The following PLPP1 variants were observed in gnomAD, a reference collection of about 807,000 sequenced individuals.
PLPP1 encodes lipid phosphate phosphohydrolase 1a.
In PLPP1, 24 loss-of-function variants were observed where a neutral mutation model predicts 31.2. The observed-to-expected ratio is 0.77, with a 90% CI of 0.56 to 1.08. PLPP1 has a LOEUF of 1.08. Ranked by LOEUF, PLPP1 falls within the 50% of genes least tolerant of loss-of-function variation. The pLI is 0.00. For synonymous variants in PLPP1, 146 were observed against 126.3 expected, an observed-to-expected ratio of 1.16 and a Z score of -1.05; for missense variants, 319 against 342.7, an observed-to-expected ratio of 0.93 and a Z score of 0.55.
intron 3 of PLPP1, among the ~76,000 whole-genome samples, chr5:55,461,524 TAACA>T (rs1427516362): frequency 6.6e-6 from 1 of 151,830 alleles, no homozygotes; most frequent in African/African-American, 2.4e-5. Flanking sequence ...ATAGCCATCT[TAACA>T]AACACAGAAA....
At chr5:55,434,189 A>T (rs191707639) in intron 4 of PLPP1, among the ~76,000 whole-genome samples, 53 of 152,028 alleles carry the variant, frequency 3.5e-4, no homozygotes, top group Non-Finnish European at 6.2e-4. Context: ...AAAGAAGAAG[A>T]AGAAAAAAAG....
chr5:55,458,902 A>C (rs1359644602), intron 3 of PLPP1, among the ~76,000 whole-genome samples: 2 of 148,900 alleles, frequency 1.3e-5, no homozygotes, highest in East Asian at 3.9e-4. Flanking sequence ...AAAAAAAAAA[A>C]AAAAAAAAAA....
chr5:55,446,448 A>G (rs1751766734), intron 3 of PLPP1, among the ~76,000 whole-genome samples: 1 of 151,958 alleles, frequency 6.6e-6, no homozygotes, highest in East Asian at 1.9e-4. Context: ...ATCCCACATC[A>G]TATTTTCTAT....
chr5:55,457,130 A>G (rs1752031335), intron 3 of PLPP1, among the ~76,000 whole-genome samples: 1 of 151,584 alleles, frequency 6.6e-6, no homozygotes, highest in Non-Finnish European at 1.5e-5. Context: ...ACTGCACTCC[A>G]GGCTGGGCGA....
chr5:55,530,521 C>G (rs1235093847), intron 1 of PLPP1: 6 of 1,203,548 alleles, frequency 5.0e-6, no homozygotes, highest in African/African-American at 1.5e-5. Context: ...ACTGAATCTT[C>G]AGAGATCTGA....
At chr5:55,478,384 A>C (rs1752602412) in intron 1 of PLPP1, among the ~76,000 whole-genome samples, 2 of 152,350 alleles carry the variant, frequency 1.3e-5, no homozygotes, top group South Asian at 4.1e-4. Flanking sequence ...GGCACAGTAC[A>C]TAATTATAGC....
At chr5:55,520,694 T>G (rs1156624386) in intron 1 of PLPP1, among the ~76,000 whole-genome samples, 2 of 152,358 alleles carry the variant, frequency 1.3e-5, no homozygotes, top group East Asian at 1.9e-4. Context: ...TCAAGTTTAT[T>G]GCCCAGTCAT....
chr5:55,533,731 C>T (rs1201012999), intron 1 of PLPP1, among the ~76,000 whole-genome samples: 1 of 152,216 alleles, frequency 6.6e-6, no homozygotes, highest in African/African-American at 2.4e-5. Flanking sequence ...TAGTTCACAG[C>T]ATAACTGCCT....
chr5:55,433,963 C>T (rs1269295226), intron 4 of PLPP1, among the ~76,000 whole-genome samples: 2 of 151,554 alleles, frequency 1.3e-5, no homozygotes, highest in Non-Finnish European at 1.5e-5. Context: ...ATGGTGAAAC[C>T]CTGTCTTTAC....
chr5:55,494,642 G>A (rs1752966726), intron 1 of PLPP1, among the ~76,000 whole-genome samples: 1 of 152,158 alleles, frequency 6.6e-6, no homozygotes, highest in Non-Finnish European at 1.5e-5. Flanking sequence ...TTCTACTGCG[G>A]ATAGTTGCTC....
At chr5:55,498,782 T>C (rs983982825) in intron 1 of PLPP1, among the ~76,000 whole-genome samples, 2 of 152,024 alleles carry the variant, frequency 1.3e-5, no homozygotes, top group African/African-American at 4.8e-5. Context: ...TAGCAACTCT[T>C]TCTCACGCTG....
intron 3 of PLPP1, among the ~76,000 whole-genome samples, chr5:55,442,609 A>G (rs573395694): frequency 4.0e-5 from 6 of 150,660 alleles, no homozygotes; most frequent in East Asian, 3.9e-4. Flanking sequence ...CCGAGATCGC[A>G]CCACTGCACT....
At chr5:55,452,246 A>G (rs1751910023) in intron 3 of PLPP1, among the ~76,000 whole-genome samples, 1 of 152,116 alleles carries the variant, frequency 6.6e-6, no homozygotes, top group Non-Finnish European at 1.5e-5. Context: ...TCCCTCATGA[A>G]TGGTTTAGTG....
intron 1 of PLPP1, among the ~76,000 whole-genome samples, chr5:55,515,457 T>C (rs1753536345): frequency 6.6e-6 from 1 of 152,218 alleles, no homozygotes; most frequent in Non-Finnish European, 1.5e-5. Context: ...AATATTTGAG[T>C]GTCTTCTCCC....
At chr5:55,486,577 C>G (rs577176674) in intron 1 of PLPP1, among the ~76,000 whole-genome samples, 1 of 151,884 alleles carries the variant, frequency 6.6e-6, no homozygotes, top group Non-Finnish European at 1.5e-5. Context: ...CAGAGCCAGA[C>G]TCCATCTCAA....
intron 3 of PLPP1, among the ~76,000 whole-genome samples, chr5:55,450,704 A>C (rs567792981): frequency 1.3e-5 from 2 of 152,304 alleles, no homozygotes; most frequent in African/African-American, 4.8e-5. Flanking sequence ...AAATACTCCA[A>C]ATCACCAAAG....
chr5:55,444,675 A>G (rs1316971343), intron 3 of PLPP1, among the ~76,000 whole-genome samples: 1 of 151,950 alleles, frequency 6.6e-6, no homozygotes, highest in Non-Finnish European at 1.5e-5. Flanking sequence ...CTACTGAACA[A>G]TAAGCCAGCT....
At chr5:55,432,761 T>G (rs1326543217) in intron 4 of PLPP1, among the ~76,000 whole-genome samples, 1 of 150,156 alleles carries the variant, frequency 6.7e-6, no homozygotes, top group Admixed American at 6.6e-5. Context: ...TCAAATGTGA[T>G]GAAAGTCTTT....
intron 1 of PLPP1, 73 bp downstream of exon 1, chr5:55,534,499 C>A: frequency 7.0e-7 from 1 of 1,423,166 alleles, no homozygotes; most frequent in Non-Finnish European, 9.3e-7. Flanking sequence ...CCCCCGCTGC[C>A]CGTCGCGGCT....
Sources: gnomAD v4.1 joint callset for allele counts (sites outside exome capture counted in the v4.1 genomes callset) on GRCh38, gnomAD v4.1.1 for gene constraint, MANE v1.5 for transcripts, NCBI Gene and HGNC (gene_info 2026-07-23, HGNC 2026-07-21) for gene names.